The following SBNO1 variants were observed in gnomAD, a reference collection of about 807,000 sequenced individuals.
SBNO1 encodes protein strawberry notch homolog 1.
SBNO1 carries 23 observed loss-of-function variants against 173.6 expected under a neutral mutation model. The observed-to-expected ratio is 0.13, with a 90% confidence interval of 0.10 to 0.19. The LOEUF (loss-of-function observed/expected upper bound fraction) is 0.19. SBNO1 is among the 10% of genes least tolerant of loss of function. SBNO1 has a pLI of 1.00. For missense variants in SBNO1, 1,238 were observed against 1,671.2 expected, an observed-to-expected ratio of 0.74 and a Z score of 4.52; for synonymous variants, 632 against 571.5, an observed-to-expected ratio of 1.11 and a Z score of -1.51.
intron 4 of SBNO1, 79 bp downstream of exon 4, chr12:123,345,177 AAC>A: frequency 8.1e-7 from 1 of 1,238,414 alleles, no homozygotes; most frequent in East Asian, 2.3e-5. Context: ...GTTCTTTAAA[AAC>A]CCAAGCAAAT....
intron 9 of SBNO1, among the ~76,000 whole-genome samples, chr12:123,329,277 G>A (rs1044382237): frequency 1.3e-5 from 2 of 152,020 alleles, no homozygotes; most frequent in African/African-American, 4.8e-5. Flanking sequence ...GCTACCACAG[G>A]GGCTGAGGTG....
Position 123,323,506 on chromosome 12 carries a change from C to G in SBNO1, c.2125+174G>C, listed in dbSNP as rs973895962. On this transcript the variant is annotated intron_variant, in intron 16 of 31. Transcript: ENST00000602398. Reference sequence around the variant, plus strand: ...AGTAGCTGGGACTATAGGTGCCCACCACGATGCCCGGCTAATTTTTTGTAT... The same window carrying G: ...AGTAGCTGGGACTATAGGTGCCCACGACGATGCCCGGCTAATTTTTTGTAT... Among the ~76,000 whole-genome samples the G allele has an allele frequency of 4.2e-4, 64 of 152,058 alleles. 1 individual carries two copies. Among genetic ancestry groups the G allele is most frequent in the African/African-American group, 9.9e-4 (41 of 41,394 alleles).
chr12:123,310,555 G>A (rs888447508), intron 25 of SBNO1, among the ~76,000 whole-genome samples: 1 of 143,584 alleles, frequency 7.0e-6, no homozygotes, highest in African/African-American at 2.6e-5. Context: ...TTTTTTAGAC[G>A]GAGTCTTGCT....
intron 1 of SBNO1, among the ~76,000 whole-genome samples, chr12:123,362,483 G>A (rs1362197170): frequency 1.4e-5 from 2 of 141,808 alleles, no homozygotes; most frequent in East Asian, 2.1e-4. Flanking sequence ...TCTGACGGGG[G>A]GGCCAAGGGC....
chr12:123,346,118 G>A (rs970416923), intron 3 of SBNO1, among the ~76,000 whole-genome samples: 2 of 152,264 alleles, frequency 1.3e-5, no homozygotes, highest in East Asian at 3.9e-4. Context: ...CACACAAACC[G>A]AAAATAACAG....
Position 123,348,031 on chromosome 12 carries a change from T to G in SBNO1, c.235A>C (p.Arg79=). The G allele has an allele frequency of 6.4e-7, 1 of 1,573,826 alleles. No individual in the cohort carries two copies. Among genetic ancestry groups the G allele is most frequent in the Non-Finnish European group, 8.7e-7 (1 of 1,145,718 alleles). ...TVPTPALLNV[R]QQPPSTTTFV... ...CGACGAATCTAAATCATTCTTACCC[T>G]CACATTTAATAGTGCTGGAGTAGGT... Residue 79 remains arginine (R), a splice_region_variant and synonymous_variant, in exon 3 of 32, where the codon AGG becomes CGG. Coordinates refer to ENST00000602398, the MANE Select transcript of SBNO1 (RefSeq NM_001167856.3).
In SBNO1 at chr12:123,345,323, C is replaced by T. The variant is rs373040406; in HGVS notation, c.485G>A (p.Ser162Asn). The change falls in exon 4 of 32, where the codon AGT becomes AAT. Residue 162 changes from serine (S) to asparagine (N), a missense_variant. Around this residue, in one of 14 missense-constraint regions of SBNO1, gnomAD observed 287 missense variants for 274.1 expected, o/e 1.05. Transcript: ENST00000602398. Reference sequence around the variant, plus strand: ...CTTTAGTTTCATCAGTTCATTAAGACTATTATTTTTCAGTAGATCTTTAAG... The same window carrying T: ...CTTTAGTTTCATCAGTTCATTAAGATTATTATTTTTCAGTAGATCTTTAAG... ...VQLKDLLKNN[S>N]LNELMKLKPP... The T allele has an allele frequency of 1.4e-5, 23 of 1,614,140 alleles. No individual in the cohort carries two copies. Among genetic ancestry groups the T allele is most frequent in the Middle Eastern group, 1.6e-4 (1 of 6,062 alleles).
At chr12:123,326,920 C>T (rs1422199993) in intron 13 of SBNO1, among the ~76,000 whole-genome samples, 1 of 152,112 alleles carries the variant, frequency 6.6e-6, no homozygotes, top group African/African-American at 2.4e-5. Context: ...GAGTAAGACC[C>T]TGCTTCAATT....
chr12:123,297,904 A>T, intron 31 of SBNO1, 74 bp downstream of exon 31: 1 of 1,350,302 alleles, frequency 7.4e-7, no homozygotes, highest in Non-Finnish European at 1.1e-6. Flanking sequence ...AATAAAGCTA[A>T]GATATTAGCA....
In SBNO1 at chr12:123,302,919, T is replaced by C. The variant is rs758571785; in HGVS notation, c.3769-19A>G. ...AGACGACCTGTAAAAATGAGAAGAA[T>C]TTCATTGAAAACAGTATTGCTTTAA... On this transcript the variant is annotated intron_variant, in intron 29 of 31. Transcript: ENST00000602398. 6.3e-7 allele frequency: 1 copy of C among 1,585,668 alleles called. No individual in the cohort carries two copies. Among genetic ancestry groups the C allele is most frequent in the Admixed American group, 1.7e-5 (1 of 59,756 alleles).
At chr12:123,335,663 GATA>G (rs1303642953) in intron 6 of SBNO1, among the ~76,000 whole-genome samples, 1 of 152,164 alleles carries the variant, frequency 6.6e-6, no homozygotes, top group Non-Finnish European at 1.5e-5. Context: ...CGCAGCCATA[GATA>G]ATAAGTAAAC....
intron 28 of SBNO1, among the ~76,000 whole-genome samples, chr12:123,308,301 C>A (rs10846509): frequency 0.061 from 9,229 of 152,020 alleles, 314 homozygotes; most frequent in South Asian, 0.11. Context: ...ATTTTACTAA[C>A]TGAAAAATGA....
At chr12:123,309,461 G>C (rs200240298) in intron 27 of SBNO1, 28 bp downstream of exon 27, 1 of 1,597,374 alleles carries the variant, frequency 6.3e-7, no homozygotes, top group East Asian at 2.2e-5. Context: ...ATGGGAAGAC[G>C]ATACTTCACA....
intron 29 of SBNO1, among the ~76,000 whole-genome samples, chr12:123,304,110 T>C (rs2048857480): frequency 1.3e-5 from 2 of 152,048 alleles, no homozygotes; most frequent in Admixed American, 6.5e-5. Context: ...TTTCTATCTT[T>C]AGTAGAGATG....
Position 123,292,410 on chromosome 12 carries a change from T to C in SBNO1, c.*3498A>G, listed in dbSNP as rs2048525427. On this transcript the variant is annotated 3_prime_UTR_variant, in exon 32 of 32. Coordinates refer to ENST00000602398, the MANE Select transcript of SBNO1 (RefSeq NM_001167856.3). ...AGATGCAACAATCATTTCCAATCTA[T>C]TTTTTTATCTCATGCTAAAATGAAA... 1 of 152,116 alleles carries C rather than the reference T, an allele frequency of 6.6e-6. No individual in the cohort carries two copies. The highest frequency in any genetic ancestry group is 2.4e-5 in the African/African-American group (1 of 41,406). The allele number at this position is 152,116 out of a possible 1,614,324, so 9.4% of individuals were successfully genotyped here. A position where few individuals can be genotyped will look rare whatever the true frequency, so the allele number is the denominator to read the frequency against.
chr12:123,329,702 C>T (rs1870993495), intron 9 of SBNO1, among the ~76,000 whole-genome samples: 1 of 152,112 alleles, frequency 6.6e-6, no homozygotes, highest in South Asian at 2.1e-4. Flanking sequence ...AAAACCCACC[C>T]TAACAAGCCA....
Position 123,293,977 on chromosome 12 carries a change from T to G in SBNO1, c.*1931A>C, listed in dbSNP as rs2048547988. On this transcript the variant is annotated 3_prime_UTR_variant, in exon 32 of 32. Coordinates refer to ENST00000602398, the MANE Select transcript of SBNO1 (RefSeq NM_001167856.3). ...CCTACTGCTTTTAAAAACACACACA[T>G]GAGCTGAGAAGTTCTGCTGAAGGTG... is the stretch of plus-strand genomic sequence containing the variant. 1 of 152,084 alleles carries G rather than the reference T, an allele frequency of 6.6e-6. No homozygotes were observed. The highest frequency in any genetic ancestry group is 2.1e-4 in the South Asian group (1 of 4,836). The allele number at this position is 152,084 out of a possible 1,614,324, so 9.4% of individuals were successfully genotyped here. A position where few individuals can be genotyped will look rare whatever the true frequency, so the allele number is the denominator to read the frequency against.
At chr12:123,353,654 C>CA (rs1874127627) in intron 1 of SBNO1, among the ~76,000 whole-genome samples, 1 of 152,054 alleles carries the variant, frequency 6.6e-6, no homozygotes, top group Non-Finnish European at 1.5e-5. Flanking sequence ...CACATTTGAC[C>CA]ATACTTTTAC....
At chr12:123,308,674 C>CA (rs141256642) in intron 28 of SBNO1, among the ~76,000 whole-genome samples, 2 of 151,486 alleles carry the variant, frequency 1.3e-5, no homozygotes, top group East Asian at 1.9e-4. Context: ...GACTCAATCT[C>CA]AAAAAAAAGT....
Sources: allele counts gnomAD v4.1 joint callset (sites outside exome capture counted in the v4.1 genomes callset), GRCh38; gene constraint gnomAD v4.1.1; regional missense constraint gnomAD v4.1.1; transcripts MANE v1.5; gene names NCBI Gene and HGNC (gene_info 2026-07-23, HGNC 2026-07-21).